Variants in PCDH15 observed in about 807,000 individuals in gnomAD.
The protein encoded by PCDH15 is protocadherin-15.
A neutral mutation model predicts 178.5 loss-of-function variants in PCDH15; 129 were observed. The ratio of observed to expected loss-of-function variants is 0.72; its 90% CI spans 0.63 to 0.84. PCDH15 has a LOEUF of 0.84. Among genes scored for constraint, PCDH15 ranks in the 40% least tolerant of loss-of-function variants. The pLI is 0.00. For synonymous variants in PCDH15, 800 were observed against 732.0 expected (o/e 1.09, Z -1.50); for missense variants, 2,230 against 2,099.9 (o/e 1.06, Z -1.21).
At chr10:54,568,143 C>G (rs2089303026) in intron 2 of PCDH15, among the ~76,000 whole-genome samples, 1 of 152,022 alleles carries the variant, frequency 6.6e-6, no homozygotes, top group African/African-American at 2.4e-5. Context: ...CTGTCATACA[C>G]TTGGCTTCAG....
chr10:54,495,497 T>C (rs2080028375), intron 3 of PCDH15, among the ~76,000 whole-genome samples: 1 of 152,190 alleles, frequency 6.6e-6, no homozygotes, highest in Non-Finnish European at 1.5e-5. Context: ...CAATATTTGC[T>C]ACTACCATTT....
At chr10:54,523,302 C>T (rs529720538) in intron 3 of PCDH15, among the ~76,000 whole-genome samples, 1 of 152,134 alleles carries the variant, frequency 6.6e-6, no homozygotes, top group East Asian at 1.9e-4. Context: ...TGAATAAACC[C>T]ATTTGAATTT....
rs565188313 is a variant in PCDH15 at position 54,708,528 on chromosome 10, G to A, written c.-28-44238C>T. On this transcript the variant is annotated intron_variant, in intron 1 of 37. Coordinates refer to ENST00000644397, the MANE Select transcript of PCDH15 (RefSeq NM_001384140.1). ...GATTAGACATTATATTACATAGATCGGACATTAGATCTGACATTCTATTAC... is the reference window on the plus strand; with the variant it reads ...GATTAGACATTATATTACATAGATCAGACATTAGATCTGACATTCTATTAC... 1.8e-3 allele frequency among the ~76,000 whole-genome samples: 269 copies of A among 152,104 alleles called. 3 individuals carry two copies. Among genetic ancestry groups the A allele is most frequent in the African/African-American group, 6.3e-3 (260 of 41,500 alleles).
chr10:54,673,077 A>C (rs76823425), intron 1 of PCDH15, among the ~76,000 whole-genome samples: 1 of 147,906 alleles, frequency 6.8e-6, no homozygotes, highest in African/African-American at 2.6e-5. Context: ...CATGTCATTT[A>C]AAAAAAAAAT....
chr10:55,254,088 T>C (rs537926064), intron 1 of PCDH15, among the ~76,000 whole-genome samples: 3 of 152,316 alleles, frequency 2.0e-5, no homozygotes, highest in African/African-American at 4.8e-5. Flanking sequence ...TGAAAACGCA[T>C]TTATTACAGT....
intron 3 of PCDH15, among the ~76,000 whole-genome samples, chr10:54,414,207 A>C (rs1028044105): frequency 1.3e-5 from 2 of 152,150 alleles, no homozygotes; most frequent in Non-Finnish European, 2.9e-5. Context: ...GAAGGCCAAA[A>C]ACTGAAGACT....
At chr10:55,132,584 C>T (rs1035630465) in intron 2 of PCDH15, among the ~76,000 whole-genome samples, 2 of 151,846 alleles carry the variant, frequency 1.3e-5, no homozygotes, top group Non-Finnish European at 2.9e-5. Flanking sequence ...ATTTATACCC[C>T]AATTTGAAAG....
intron 2 of PCDH15, among the ~76,000 whole-genome samples, chr10:55,014,012 T>C (rs1840109954): frequency 6.6e-6 from 1 of 152,100 alleles, no homozygotes; most frequent in African/African-American, 2.4e-5. Context: ...TTAGATATTA[T>C]GATATAAAAA....
At chr10:54,490,148 GAACTTTA>G (rs376116665) in intron 3 of PCDH15, among the ~76,000 whole-genome samples, 5,635 of 152,184 alleles carry the variant, frequency 0.037, 138 homozygotes, top group Non-Finnish European at 0.059. Flanking sequence ...CCTCATACAG[GAACTTTA>G]AAAGTTAGCA....
intron 16 of PCDH15, among the ~76,000 whole-genome samples, chr10:54,080,008 T>G (rs2094410936): frequency 6.6e-6 from 1 of 152,104 alleles, no homozygotes; most frequent in South Asian, 2.1e-4. Flanking sequence ...ATGTTTCTTT[T>G]TGTACTTTAT....
chr10:53,926,858 C>T (rs1048137122), intron 25 of PCDH15, among the ~76,000 whole-genome samples: 1 of 152,112 alleles, frequency 6.6e-6, no homozygotes, highest in African/African-American at 2.4e-5. Context: ...ATTGTTTATA[C>T]CTATGTTATA....
chr10:55,475,395 C>T (rs1170770801), intron 2 of PCDH15, among the ~76,000 whole-genome samples: 1 of 152,086 alleles, frequency 6.6e-6, no homozygotes, highest in African/African-American at 2.4e-5. Context: ...AATATTATAA[C>T]AGATAAGATG....
intron 1 of PCDH15, among the ~76,000 whole-genome samples, chr10:55,289,873 T>A (rs908716625): frequency 6.6e-6 from 1 of 151,980 alleles, no homozygotes; most frequent in African/African-American, 2.4e-5. Flanking sequence ...AGTGAATCAG[T>A]TTTCACGGGA....
At chr10:54,667,713 T>G (rs1590937723) in intron 1 of PCDH15, among the ~76,000 whole-genome samples, 1 of 152,102 alleles carries the variant, frequency 6.6e-6, no homozygotes, top group African/African-American at 2.4e-5. Context: ...CCTACAGAAT[T>G]TATTGGCTAA....
chr10:55,483,840 G>A (rs1840238635), intron 2 of PCDH15, among the ~76,000 whole-genome samples: 1 of 148,272 alleles, frequency 6.7e-6, no homozygotes. Flanking sequence ...AAAGACACAT[G>A]GATACATGCA....
At chr10:55,441,219 T>A (rs72805846) in intron 2 of PCDH15, among the ~76,000 whole-genome samples, 1 of 152,216 alleles carries the variant, frequency 6.6e-6, no homozygotes, top group Non-Finnish European at 1.5e-5. Flanking sequence ...TACCCACCTC[T>A]GTAACCAATC....
intron 2 of PCDH15, among the ~76,000 whole-genome samples, chr10:54,540,118 A>G (rs2085042106): frequency 6.6e-6 from 1 of 152,142 alleles, no homozygotes; most frequent in Non-Finnish European, 1.5e-5. Flanking sequence ...AAACTAACTC[A>G]AAAGCTACCT....
chr10:54,449,451 A>G (rs1454544505), intron 3 of PCDH15, among the ~76,000 whole-genome samples: 1 of 151,712 alleles, frequency 6.6e-6, no homozygotes, highest in African/African-American at 2.4e-5. Context: ...TGGTAAATAT[A>G]ACCTTCTCTA....
chr10:53,965,119 A>T (rs2088862105), intron 21 of PCDH15, among the ~76,000 whole-genome samples: 1 of 150,816 alleles, frequency 6.6e-6, no homozygotes, highest in African/African-American at 2.4e-5. Context: ...GTGCAGTTGC[A>T]CGATCTCCGC....
Sources: allele counts gnomAD v4.1 joint callset (sites outside exome capture counted in the v4.1 genomes callset), GRCh38; gene constraint gnomAD v4.1.1; transcripts MANE v1.5; gene names NCBI Gene and HGNC (gene_info 2026-07-23, HGNC 2026-07-21).